Variants in UBE2W observed in about 807,000 individuals in gnomAD.
UBE2W encodes ubiquitin conjugating enzyme E2 W.
Under a neutral mutation model 27.2 loss-of-function variants are expected in UBE2W, and 18 were observed. That is an observed-to-expected ratio of 0.66 (90% CI 0.46 to 0.98). The LOEUF is 0.98. Among genes scored for constraint, UBE2W ranks in the 50% least tolerant of loss-of-function variants. The pLI is 0.00. For missense variants in UBE2W, 90 were observed against 180.2 expected, an observed-to-expected ratio of 0.50 and a Z score of 2.87; for synonymous variants, 53 against 57.2, an observed-to-expected ratio of 0.93 and a Z score of 0.33.
chr8:73,872,513 A>C (rs921877583), intron 1 of UBE2W, among the ~76,000 whole-genome samples: 1 of 152,210 alleles, frequency 6.6e-6, no homozygotes, highest in Non-Finnish European at 1.5e-5. Context: ...CAACTAACCT[A>C]ATTTCATTCT....
intron 1 of UBE2W, among the ~76,000 whole-genome samples, chr8:73,872,522 CTAATAGAGACATAGCAG>C (rs1034962453): frequency 5.9e-5 from 9 of 152,242 alleles, no homozygotes; most frequent in African/African-American, 1.4e-4. Flanking sequence ...TAATTTCATT[CTAATAGAGACATAGCAG>C]TAACTGCTGG....
chr8:73,792,616 C>T lies in UBE2W; in HGVS notation c.*1486G>A. ...CCCAAATTGATTCATATATTCACTG[C>T]AGGATATTTCAAAAAGAGTGCAACA... On this transcript the variant is annotated 3_prime_UTR_variant, in exon 6 of 6. Transcript: ENST00000602593. 9.1e-6 allele frequency: 9 copies of T among 985,568 alleles called. No individual in the cohort carries two copies. In the South Asian group the frequency reaches 2.8e-4, roughly 31 times the overall value. 61.1% of individuals were successfully genotyped at this position (985,568 alleles called of 1,614,324 possible).
intron 1 of UBE2W, among the ~76,000 whole-genome samples, chr8:73,853,626 T>A (rs1346199009): frequency 6.6e-6 from 1 of 152,144 alleles, no homozygotes; most frequent in Admixed American, 6.5e-5. Context: ...CATGCAACTT[T>A]GGATAAGTAA....
At chr8:73,803,699 G>A (rs1808743130) in intron 5 of UBE2W, among the ~76,000 whole-genome samples, 1 of 150,842 alleles carries the variant, frequency 6.6e-6, no homozygotes, top group South Asian at 2.1e-4. Flanking sequence ...ATTTCTTATT[G>A]ATATTACCCC....
intron 1 of UBE2W, among the ~76,000 whole-genome samples, chr8:73,863,300 T>C (rs1586540876): frequency 7.0e-6 from 1 of 142,156 alleles, no homozygotes; most frequent in East Asian, 2.0e-4. Flanking sequence ...AAATTGGAAA[T>C]CATCATTCTC....
chr8:73,871,278 A>G (rs1046804596), intron 1 of UBE2W, among the ~76,000 whole-genome samples: 3 of 152,230 alleles, frequency 2.0e-5, no homozygotes, highest in Non-Finnish European at 4.4e-5. Context: ...AATGAACCCA[A>G]GGTTTCTGGC....
chr8:73,805,583 C>T lies in UBE2W; in HGVS notation c.442+68G>A, dbSNP rs1266905178. ...ATAGCTTCTCTTCTTTTTCCCAAGT[C>T]TTATAGCAAATATATATAATCTTCA... On this transcript the variant is annotated intron_variant, in intron 5 of 5. Transcript: ENST00000602593. 4.3e-6 allele frequency: 4 copies of T among 934,230 alleles called. No homozygotes were observed. In the African/African-American group the frequency reaches 5.1e-5, roughly 12 times the overall value. 57.9% of individuals were successfully genotyped at this position (934,230 alleles called of 1,614,324 possible).
rs569237925 is a variant in UBE2W at position 73,791,376 on chromosome 8, A to AAAAT, written c.*2722_*2725dup. ...TTTGGCAAACCAGAAGAATGGCCTA[A>AAAAT]AAATAAATAAATAAATAAATAAAAG... On this transcript the variant is annotated 3_prime_UTR_variant, in exon 6 of 6. Transcript: ENST00000602593. The AAAAT allele has an allele frequency of 0.023, 22,831 of 983,864 alleles. 306 individuals carry two copies. Among genetic ancestry groups the AAAAT allele is most frequent in the Non-Finnish European group, 0.026 (21,373 of 828,666 alleles). 60.9% of individuals were successfully genotyped at this position (983,864 alleles called of 1,614,324 possible). A position where few individuals can be genotyped will look rare whatever the true frequency, so the allele number is the denominator to read the frequency against.
At chr8:73,797,125 G>GTCA (rs1343668410) in intron 5 of UBE2W, among the ~76,000 whole-genome samples, 1 of 152,098 alleles carries the variant, frequency 6.6e-6, no homozygotes, top group African/African-American at 2.4e-5. Flanking sequence ...TTTCAAAGAG[G>GTCA]TGACACCTAC....
At chr8:73,798,239 A>G (rs1808503338) in intron 5 of UBE2W, among the ~76,000 whole-genome samples, 1 of 152,158 alleles carries the variant, frequency 6.6e-6, no homozygotes, top group Non-Finnish European at 1.5e-5. Flanking sequence ...TGAGGCTGCA[A>G]TGAGCCATGA....
chr8:73,878,787 G>A (rs888747559), intron 1 of UBE2W, 21 bp downstream of exon 1: 95 of 1,543,374 alleles, frequency 6.2e-5, no homozygotes, highest in Non-Finnish European at 7.6e-5. Flanking sequence ...GGCCCGCCCA[G>A]ATGCAGCAAA....
chr8:73,875,071 A>T (rs1006872104), intron 1 of UBE2W, among the ~76,000 whole-genome samples: 1 of 152,240 alleles, frequency 6.6e-6, no homozygotes, highest in Non-Finnish European at 1.5e-5. Context: ...AACATAATTT[A>T]ACTGTAATCT....
At chr8:73,874,772 G>A (rs969809155) in intron 1 of UBE2W, among the ~76,000 whole-genome samples, 5 of 152,180 alleles carry the variant, frequency 3.3e-5, no homozygotes, top group Non-Finnish European at 5.9e-5. Flanking sequence ...TCTTAATGAT[G>A]GTTTCTTAAG....
chr8:73,877,310 G>A (rs1042106832), intron 1 of UBE2W, among the ~76,000 whole-genome samples: 1 of 152,158 alleles, frequency 6.6e-6, no homozygotes, highest in Non-Finnish European at 1.5e-5. Context: ...TCTCTGGGGA[G>A]ACTAGTGTAA....
chr8:73,877,825 T>C (rs930393191), intron 1 of UBE2W, among the ~76,000 whole-genome samples: 1 of 148,918 alleles, frequency 6.7e-6, no homozygotes, highest in Non-Finnish European at 1.5e-5. Context: ...ACAATTGTGG[T>C]TGCCATCTTT....
intron 4 of UBE2W, among the ~76,000 whole-genome samples, chr8:73,807,457 T>C (rs1394266157): frequency 6.6e-6 from 1 of 152,236 alleles, no homozygotes; most frequent in Non-Finnish European, 1.5e-5. Flanking sequence ...ATCAGTCTAG[T>C]TGAGCCTCAC....
In UBE2W at chr8:73,830,468, C is replaced by T; in HGVS notation, c.20G>A (p.Arg7Gln). MASMQK[R>Q]LQKELLALQN... The stretch of plus-strand genomic sequence containing the variant: ...CAAAGCCAACAGTTCTTTCTGTAGT[C>T]GTTTCTAGAAAAGAACATCAATAAT... The change falls in exon 2 of 6, where the codon CGA (arginine) becomes CAA (glutamine). Residue 7 changes from arginine (R) to glutamine (Q), a missense_variant. By Grantham distance (43) the Arg-to-Gln change is conservative (BLOSUM62 1). Coordinates refer to ENST00000602593, the MANE Select transcript of UBE2W (RefSeq NM_018299.6). 1 of 1,613,160 alleles carries T rather than the reference C, an allele frequency of 6.2e-7. No individual in the cohort carries two copies. Among genetic ancestry groups the T allele is most frequent in the South Asian group, 1.1e-5 (1 of 91,018 alleles).
chr8:73,785,572 T>C (rs181983792), downstream of UBE2W, among the ~76,000 whole-genome samples: 338 of 152,172 alleles, frequency 2.2e-3, 2 homozygotes, highest in African/African-American at 3.0e-3. Context: ...GTACCTAATA[T>C]GTAGTTTTTC....
chr8:73,829,531 C>A (rs73689070), intron 2 of UBE2W, among the ~76,000 whole-genome samples: 4,749 of 150,842 alleles, frequency 0.031, 229 homozygotes, highest in African/African-American at 0.1. Flanking sequence ...TAGAACTCAA[C>A]AATATTTTTA....
Sources: allele counts gnomAD v4.1 joint callset (sites outside exome capture counted in the v4.1 genomes callset), GRCh38; gene constraint gnomAD v4.1.1; transcripts MANE v1.5; gene names NCBI Gene and HGNC (gene_info 2026-07-23, HGNC 2026-07-21).